Variants in MNAT1 observed in about 807,000 individuals in gnomAD.
MNAT1 encodes MNAT1 component of CDK activating kinase.
A neutral mutation model predicts 42.0 loss-of-function variants in MNAT1; 43 were observed. The observed-to-expected ratio is 1.02, with a 90% CI of 0.80 to 1.32. MNAT1 has a LOEUF of 1.32. Ranked by LOEUF, MNAT1 falls within the 40% of genes most tolerant of loss-of-function variation. The pLI is 0.00. For synonymous variants in MNAT1, 118 were observed against 120.0 expected (o/e 0.98, Z 0.11); for missense variants, 306 against 350.4 (o/e 0.87, Z 1.01).
chr14:60,941,994 G>A (rs1275472784), intron 7 of MNAT1, among the ~76,000 whole-genome samples: 1 of 88,060 alleles, frequency 1.1e-5, no homozygotes, highest in African/African-American at 4.7e-5. Flanking sequence ...ACAGAATGAG[G>A]CTCCATCTCA....
intron 7 of MNAT1, among the ~76,000 whole-genome samples, chr14:60,902,222 A>G (rs1250267524): frequency 2.0e-5 from 3 of 152,174 alleles, no homozygotes; most frequent in Non-Finnish European, 4.4e-5. Context: ...TTTTTCATTA[A>G]TACATAATCT....
intron 6 of MNAT1, among the ~76,000 whole-genome samples, chr14:60,856,652 G>A (rs933359015): frequency 6.6e-6 from 1 of 151,550 alleles, no homozygotes; most frequent in Admixed American, 6.6e-5. Context: ...AATGCAGCTG[G>A]TGACTTTAAG....
intron 7 of MNAT1, among the ~76,000 whole-genome samples, chr14:60,886,658 A>AT (rs916137507): frequency 1.1e-4 from 16 of 148,920 alleles, no homozygotes; most frequent in South Asian, 4.2e-4. Flanking sequence ...TAATGTTTTG[A>AT]TTTTTTTTTC....
chr14:60,963,902 A>T (rs2036638768), intron 7 of MNAT1, among the ~76,000 whole-genome samples: 1 of 152,192 alleles, frequency 6.6e-6, no homozygotes, highest in East Asian at 1.9e-4. Context: ...TCACAAACAT[A>T]TTATGACTGG....
chr14:60,821,226 C>G (rs2032881287), intron 6 of MNAT1, among the ~76,000 whole-genome samples: 1 of 152,180 alleles, frequency 6.6e-6, no homozygotes, highest in Admixed American at 6.5e-5. Flanking sequence ...AAGTGATCCT[C>G]CTGCCTTGGC....
intron 7 of MNAT1, among the ~76,000 whole-genome samples, chr14:60,963,075 G>A (rs777508691): frequency 2.0e-5 from 3 of 152,140 alleles, no homozygotes; most frequent in South Asian, 4.1e-4. Flanking sequence ...TCCACCTCCC[G>A]GGTTCAAGCG....
At chr14:60,953,467 C>T (rs944809485) in intron 7 of MNAT1, among the ~76,000 whole-genome samples, 1 of 152,090 alleles carries the variant, frequency 6.6e-6, no homozygotes, top group African/African-American at 2.4e-5. Flanking sequence ...AGGAGAGGTA[C>T]ATACTATTAG....
intron 6 of MNAT1, among the ~76,000 whole-genome samples, chr14:60,869,148 C>G (rs1306173632): frequency 6.7e-6 from 1 of 149,322 alleles, no homozygotes; most frequent in Admixed American, 6.7e-5. Context: ...AAGCAATTCT[C>G]CTGCCTGAGT....
At chr14:60,803,965 G>A (rs1450938940) in intron 3 of MNAT1, among the ~76,000 whole-genome samples, 1 of 151,950 alleles carries the variant, frequency 6.6e-6, no homozygotes, top group African/African-American at 2.4e-5. Context: ...GTTCCTTATG[G>A]CTCCAGAGAT....
intron 7 of MNAT1, among the ~76,000 whole-genome samples, chr14:60,944,228 C>T (rs1188129567): frequency 6.6e-6 from 1 of 152,188 alleles, no homozygotes; most frequent in African/African-American, 2.4e-5. Context: ...GACAAAGGGT[C>T]AGCCAGGTGC....
intron 7 of MNAT1, among the ~76,000 whole-genome samples, chr14:60,966,402 G>T (rs2036684189): frequency 6.6e-6 from 1 of 152,154 alleles, no homozygotes; most frequent in African/African-American, 2.4e-5. Context: ...TCACAGGTGT[G>T]CGCCACCACA....
At chr14:60,793,677 C>G (rs1566767914) in intron 1 of MNAT1, among the ~76,000 whole-genome samples, 1 of 150,796 alleles carries the variant, frequency 6.6e-6, no homozygotes, top group Non-Finnish European at 1.5e-5. Flanking sequence ...CTGGCCTGTT[C>G]TTTTTTTTAA....
chr14:60,835,074 C>T (rs2033351271), intron 6 of MNAT1, among the ~76,000 whole-genome samples: 1 of 150,474 alleles, frequency 6.6e-6, no homozygotes, highest in Non-Finnish European at 1.5e-5. Context: ...GATTTCAAGC[C>T]TGGCTTTTTT....
At chr14:60,946,692 G>A (rs570333105) in intron 7 of MNAT1, among the ~76,000 whole-genome samples, 83 of 152,124 alleles carry the variant, frequency 5.5e-4, no homozygotes, top group Middle Eastern at 3.4e-3. Flanking sequence ...GGCACTTCTT[G>A]TATATCGTTC....
intron 1 of MNAT1, among the ~76,000 whole-genome samples, chr14:60,777,229 C>G (rs535983324): frequency 1.3e-5 from 2 of 152,144 alleles, no homozygotes; most frequent in Admixed American, 6.5e-5. Context: ...GAAACTAGCT[C>G]TCTAGGTAAG....
chr14:60,880,517 G>A (rs948802098), intron 7 of MNAT1, among the ~76,000 whole-genome samples: 2 of 152,070 alleles, frequency 1.3e-5, no homozygotes, highest in Non-Finnish European at 2.9e-5. Context: ...TCCAGAAACT[G>A]TTGTTGCTTA....
rs1594792659 is a variant in MNAT1, at chr14:60,839,423, T to A, written c.687+20576T>A. Reference sequence around the variant, plus strand: ...CAGTCTCCTCAGAGCTGTTCTTTTGTTCAGTAAAGCTCCTCTCTGCCTTGC... The same window carrying A: ...CAGTCTCCTCAGAGCTGTTCTTTTGATCAGTAAAGCTCCTCTCTGCCTTGC... On this transcript the variant is annotated intron_variant, in intron 6 of 7. Transcript: ENST00000261245. Among the ~76,000 whole-genome samples the A allele has an allele frequency of 2.0e-5, 3 of 152,298 alleles. No homozygotes were observed. In the South Asian group the frequency reaches 6.2e-4, roughly 32 times the overall value.
intron 7 of MNAT1, among the ~76,000 whole-genome samples, chr14:60,928,490 A>G (rs2035810809): frequency 6.6e-6 from 1 of 152,132 alleles, no homozygotes; most frequent in Non-Finnish European, 1.5e-5. Flanking sequence ...GAGGGTTTCC[A>G]TTTTCCACAT....
chr14:60,941,747 G>A (rs944262252), intron 7 of MNAT1, among the ~76,000 whole-genome samples: 9 of 151,336 alleles, frequency 5.9e-5, no homozygotes, highest in African/African-American at 2.2e-4. Context: ...GCTCACTCCT[G>A]TAATCCCAGC....
Sources: gnomAD v4.1 joint callset for allele counts (sites outside exome capture counted in the v4.1 genomes callset) on GRCh38, gnomAD v4.1.1 for gene constraint, MANE v1.5 for transcripts, NCBI Gene and HGNC (gene_info 2026-07-23, HGNC 2026-07-21) for gene names.